Variants in CHMP4B observed in about 807,000 individuals in gnomAD.
The protein encoded by CHMP4B is charged multivesicular body protein 4B.
CHMP4B carries 1 observed loss-of-function variant against 25.1 expected under a neutral mutation model. The ratio of observed to expected loss-of-function variants is 0.04; its 90% CI spans 0.01 to 0.19. The LOEUF (loss-of-function observed/expected upper bound fraction) is 0.19. Among genes scored for constraint, CHMP4B ranks in the 10% least tolerant of loss-of-function variants. CHMP4B has a pLI of 1.00. For missense variants in CHMP4B, 151 were observed against 289.7 expected (o/e 0.52, Z 3.48); for synonymous variants, 101 against 115.6 (o/e 0.87, Z 0.81).
chr20:33,853,236 G>T (rs921200557), intron 4 of CHMP4B, among the ~76,000 whole-genome samples: 1 of 152,172 alleles, frequency 6.6e-6, no homozygotes, highest in South Asian at 2.1e-4. Flanking sequence ...GGAATCCTGA[G>T]GGCCTCTGTG....
chr20:33,844,904 G>A (rs776034906), intron 1 of CHMP4B, among the ~76,000 whole-genome samples: 5 of 152,006 alleles, frequency 3.3e-5, no homozygotes, highest in East Asian at 1.9e-4. Flanking sequence ...GACCACAGGC[G>A]CCTGCCACCA....
At position 33,854,317 on chromosome 20, in the gene CHMP4B, A is replaced by G. The variant is rs1244279918; in HGVS notation, c.*757A>G. 3 of 152,944 alleles carry G rather than the reference A, an allele frequency of 2.0e-5. No individual in the cohort carries two copies. The highest frequency in any genetic ancestry group is 4.4e-5 in the Non-Finnish European group (3 of 68,264). 9.5% of individuals were successfully genotyped at this position (152,944 alleles called of 1,614,324 possible). On this transcript the variant is annotated 3_prime_UTR_variant, in exon 5 of 5. Coordinates refer to ENST00000217402, the MANE Select transcript of CHMP4B (RefSeq NM_176812.5). ...GAAACGTGCATACATTTATATTCAG[A>G]TGAAATTATGGTTTGCACTGTCTAT... is the stretch of plus-strand genomic sequence containing the variant.
chr20:33,811,730 A>C (rs1342097189), intron 1 of CHMP4B, 72 bp downstream of exon 1: 1 of 1,477,986 alleles, frequency 6.8e-7, no homozygotes, highest in African/African-American at 1.4e-5. Flanking sequence ...CTTCACCTTC[A>C]TCAGACTCGC....
At chr20:33,841,485 C>T (rs1288089355) in intron 1 of CHMP4B, among the ~76,000 whole-genome samples, 1 of 152,196 alleles carries the variant, frequency 6.6e-6, no homozygotes, top group Non-Finnish European at 1.5e-5. Flanking sequence ...GGTGAGCCTG[C>T]GACAGTGTCA....
At position 33,845,880 on chromosome 20, in the gene CHMP4B, C is replaced by T. The variant is rs549991443; in HGVS notation, c.191-2587C>T. On this transcript the variant is annotated intron_variant, in intron 1 of 4. Coordinates refer to ENST00000217402, the MANE Select transcript of CHMP4B (RefSeq NM_176812.5). ...CTCTCCCAGGACCTCTTCCCTCTGACATTACTGATGGCAAAGGCGGTTCTG... is the reference window on the plus strand; with the variant it reads ...CTCTCCCAGGACCTCTTCCCTCTGATATTACTGATGGCAAAGGCGGTTCTG... Among the ~76,000 whole-genome samples the T allele has an allele frequency of 3.9e-5, 6 of 152,346 alleles. 1 individual carries two copies. Among genetic ancestry groups the T allele is most frequent in the African/African-American group, 1.4e-4 (6 of 41,576 alleles).
At chr20:33,837,056 A>C in intron 1 of CHMP4B, among the ~76,000 whole-genome samples, 1 of 152,206 alleles carries the variant, frequency 6.6e-6, no homozygotes, top group East Asian at 1.9e-4. Flanking sequence ...AGTAAGACGA[A>C]TTCCTTATTG....
chr20:33,826,445 G>A (rs1979097132), intron 1 of CHMP4B, among the ~76,000 whole-genome samples: 1 of 152,128 alleles, frequency 6.6e-6, no homozygotes, highest in Non-Finnish European at 1.5e-5. Flanking sequence ...AGGGGCCCTG[G>A]ATGCCAAGCT....
intron 1 of CHMP4B, among the ~76,000 whole-genome samples, chr20:33,814,349 G>A (rs1978723777): frequency 6.6e-6 from 1 of 152,206 alleles, no homozygotes; most frequent in South Asian, 2.1e-4. Context: ...AATTGGAAGT[G>A]TGGGGTGGGA....
Sources: gnomAD v4.1 joint callset for allele counts (sites outside exome capture counted in the v4.1 genomes callset) on GRCh38, gnomAD v4.1.1 for gene constraint, MANE v1.5 for transcripts, NCBI Gene and HGNC (gene_info 2026-07-23, HGNC 2026-07-21) for gene names.